The following ERBB2 variants were observed in gnomAD, a reference collection of about 807,000 sequenced individuals.
ERBB2 encodes the protein erb-b2 receptor tyrosine kinase 2, also known as receptor tyrosine-protein kinase erbB-2.
ERBB2 carries 61 observed loss-of-function variants against 149.0 expected under a neutral mutation model. The ratio of observed to expected loss-of-function variants is 0.41; its 90% confidence interval spans 0.33 to 0.51. The LOEUF (loss-of-function observed/expected upper bound fraction) is 0.51. ERBB2 is among the 20% of genes least tolerant of loss of function. ERBB2 has a pLI of 0.25. For synonymous variants in ERBB2, 633 were observed against 678.8 expected, an observed-to-expected ratio of 0.93 and a Z score of 1.05; for missense variants, 1,205 against 1,655.1, an observed-to-expected ratio of 0.73 and a Z score of 4.72.
At chr17:39,699,351 C>T (rs2057958335), upstream of ERBB2, among the ~76,000 whole-genome samples, 1 of 152,014 alleles carries the variant, frequency 6.6e-6, no homozygotes, top group Non-Finnish European at 1.5e-5. Context: ...ATCCCAGCTG[C>T]TCGGGAGGCT....
chr17:39,726,647 T>C lies in ERBB2; in HGVS notation c.2958T>C (p.Phe986=). 1 of 1,614,116 alleles carries C rather than the reference T, an allele frequency of 6.2e-7. No individual in the cohort carries two copies. Among genetic ancestry groups the C allele is most frequent in the Non-Finnish European group, 8.5e-7 (1 of 1,179,954 alleles). The change falls in exon 24 of 27, where the codon TTT becomes TTC. Residue 986 remains phenylalanine, a synonymous_variant. Transcript: ENST00000269571. The surrounding 1 kb of genome is among the most constrained non-coding windows in gnomAD (Gnocchi z 5.1). ...FSRMARDPQR[F]VVIQNEDLGP... is the part of the protein sequence containing the mutation. ...GCATGGCCAGGGACCCCCAGCGCTTTGTGGTCATCCAGGTACTGGGCCTCT... is the reference window on the plus strand; with the variant it reads ...GCATGGCCAGGGACCCCCAGCGCTTCGTGGTCATCCAGGTACTGGGCCTCT...
At position 39,728,301 on chromosome 17, in the gene ERBB2, C is replaced by T. The variant is rs139158322; in HGVS notation, c.*257C>T. Reference sequence around the variant, plus strand: ...GCCCTGCCCAATGAGACTCTAGGGTCCAGTGGATGCCACAGCCCAGCTTGG... The same window carrying T: ...GCCCTGCCCAATGAGACTCTAGGGTTCAGTGGATGCCACAGCCCAGCTTGG... On this transcript the variant is annotated 3_prime_UTR_variant, in exon 27 of 27. Coordinates refer to ENST00000269571, the MANE Select transcript of ERBB2 (RefSeq NM_004448.4). The T allele has an allele frequency of 1.3e-3, 529 of 411,264 alleles. 11 individuals are homozygous for T. The East Asian group carries it at 0.014, about 11-fold the overall frequency. 25.5% of individuals were successfully genotyped at this position (411,264 alleles called of 1,614,324 possible). A position where few individuals can be genotyped will look rare whatever the true frequency, so the allele number is the denominator to read the frequency against.
In ERBB2 at chr17:39,707,065, A is replaced by G; in HGVS notation, c.149A>G (p.Tyr50Cys). 1 of 1,606,356 alleles carries G rather than the reference A, an allele frequency of 6.2e-7. No homozygotes were observed. The highest frequency in any genetic ancestry group is 8.5e-7 in the Non-Finnish European group (1 of 1,176,528). ...CACCTGGACATGCTCCGCCACCTCT[A>G]CCAGGGCTGCCAGGTGGTGCAGGGA... The part of the protein sequence containing the change: ...ETHLDMLRHL[Y>C]QGCQVVQGNL... Residue 50 changes from tyrosine (Y) to cysteine (C), a missense_variant, in exon 2 of 27, where the codon TAC becomes TGC. Tyr to Cys is a radical substitution (Grantham distance 194). Around this residue, in one of 6 missense-constraint regions of ERBB2, gnomAD observed 101 missense variants for 95.1 expected, o/e 1.06. Transcript: ENST00000269571.
Position 39,728,434 on chromosome 17 carries a change from G to C in ERBB2, c.*390G>C, listed in dbSNP as rs1445638764. ...AACAAAAGCGACCCATTCAGAGACT[G>C]TCCCTGAAACCTAGTACTGCCCCCC... On this transcript the variant is annotated 3_prime_UTR_variant, in exon 27 of 27. Transcript: ENST00000269571. 3.8e-6 allele frequency: 1 copy of C among 262,360 alleles called. No homozygotes were observed. The highest frequency in any genetic ancestry group is 7.3e-6 in the Non-Finnish European group (1 of 137,880). 16.3% of individuals were successfully genotyped at this position (262,360 alleles called of 1,614,324 possible).
rs1324399672 is a variant in ERBB2, at chr17:39,725,643, C to T, written c.2726-64C>T. On this transcript the variant is annotated intron_variant, in intron 22 of 26. Coordinates refer to ENST00000269571, the MANE Select transcript of ERBB2 (RefSeq NM_004448.4). The surrounding 1 kb of genome is among the most constrained non-coding windows in gnomAD (Gnocchi z 4.6). Reference sequence around the variant, plus strand: ...CATGATGCTAGACTCCTGAGCAGAACCTCTGGCTCAGTACACTAAAGCTCC... The same window carrying T: ...CATGATGCTAGACTCCTGAGCAGAATCTCTGGCTCAGTACACTAAAGCTCC... The T allele has an allele frequency of 7.9e-6, 12 of 1,525,896 alleles. No individual in the cohort carries two copies. The highest frequency in any genetic ancestry group is 1.1e-5 in the Non-Finnish European group (12 of 1,125,552). 94.5% of individuals were successfully genotyped at this position (1,525,896 alleles called of 1,614,324 possible). A position where few individuals can be genotyped will look rare whatever the true frequency, so the allele number is the denominator to read the frequency against.
Position 39,723,744 on chromosome 17 carries a change from G to C in ERBB2, c.2208+84G>C. The C allele has an allele frequency of 1.3e-6, 2 of 1,544,734 alleles. No individual in the cohort carries two copies. Among genetic ancestry groups the C allele is most frequent in the Non-Finnish European group, 1.8e-6 (2 of 1,140,832 alleles). ...TGTGGTCGGCAGTTCTGATGGGAGG[G>C]GCAAGAGCTGGAGGCAGTGTTTGGG... On this transcript the variant is annotated intron_variant, in intron 18 of 26. Coordinates refer to ENST00000269571, the MANE Select transcript of ERBB2 (RefSeq NM_004448.4). This position sits in a 1 kb window ranked among gnomAD's most constrained non-coding sequence, Gnocchi z 6.2.
At chr17:39,691,438 G>A (rs374504246), upstream of ERBB2, among the ~76,000 whole-genome samples, 10 of 151,312 alleles carry the variant, frequency 6.6e-5, no homozygotes, top group East Asian at 7.7e-4. Context: ...CAGCTACTCC[G>A]GAAGCTGAGG....
chr17:39,691,556 A>AAT (rs1555611662), upstream of ERBB2, among the ~76,000 whole-genome samples: 1,588 of 84,124 alleles, frequency 0.019, 69 homozygotes, highest in Middle Eastern at 0.13. Flanking sequence ...TAAAAAAAAA[A>AAT]ATATATATAT....
At chr17:39,715,571 G>A (rs369210114) in intron 11 of ERBB2, 35 bp downstream of exon 11, 3 of 1,593,356 alleles carry the variant, frequency 1.9e-6, no homozygotes, top group African/African-American at 2.7e-5. Flanking sequence ...TGATGGGGAG[G>A]AGTCCCAGGG....
intron 3 of ERBB2, among the ~76,000 whole-genome samples, chr17:39,709,002 A>C (rs2058634480): frequency 6.6e-6 from 1 of 152,142 alleles, no homozygotes; most frequent in African/African-American, 2.4e-5. Context: ...GATGGGGCTG[A>C]GTTTCAGACT....
chr17:39,723,746 C>A lies in ERBB2; in HGVS notation c.2208+86C>A. Reference sequence around the variant, plus strand: ...TGGTCGGCAGTTCTGATGGGAGGGGCAAGAGCTGGAGGCAGTGTTTGGGGG... The same window carrying A: ...TGGTCGGCAGTTCTGATGGGAGGGGAAAGAGCTGGAGGCAGTGTTTGGGGG... On this transcript the variant is annotated intron_variant, in intron 18 of 26. Coordinates refer to ENST00000269571, the MANE Select transcript of ERBB2 (RefSeq NM_004448.4). The surrounding 1 kb of genome is among the most constrained non-coding windows in gnomAD (Gnocchi z 6.2). 2 of 1,542,030 alleles carry A rather than the reference C, an allele frequency of 1.3e-6. No individual in the cohort carries two copies. The highest frequency in any genetic ancestry group is 1.8e-6 in the Non-Finnish European group (2 of 1,138,770).
In ERBB2 at chr17:39,711,999, G is replaced by A. The variant is rs1202895125; in HGVS notation, c.973G>A (p.Glu325Lys). 1 of 1,614,174 alleles carries A rather than the reference G, an allele frequency of 6.2e-7. No homozygotes were observed. The highest frequency in any genetic ancestry group is 8.5e-7 in the Non-Finnish European group (1 of 1,180,024). Reference sequence around the variant, plus strand: ...CCTGCACAACCAAGAGGTGACAGCAGAGGATGGAACACAGCGGTGTGAGAA... The same window carrying A: ...CCTGCACAACCAAGAGGTGACAGCAAAGGATGGAACACAGCGGTGTGAGAA... ...CPLHNQEVTAEDGTQRCEKCS... is the reference protein window; with the variant it reads ...CPLHNQEVTAKDGTQRCEKCS... The change falls in exon 8 of 27, where the codon GAG becomes AAG. Residue 325 changes from glutamate (E) to lysine (K), a missense_variant. Glu to Lys is a moderately conservative substitution (Grantham distance 56, BLOSUM62 1). This residue lies in a region of ERBB2 where 569 missense variants were observed against 803.5 expected (regional missense o/e 0.71). Transcript: ENST00000269571.
chr17:39,726,622 G>A lies in ERBB2; in HGVS notation c.2933G>A (p.Arg978His), dbSNP rs778243900. 5.6e-6 allele frequency: 9 copies of A among 1,614,050 alleles called. No individual in the cohort carries two copies. Among genetic ancestry groups the A allele is most frequent in the Admixed American group, 1.7e-5 (1 of 60,008 alleles). ...RFRELVSEFS[R>H]MARDPQRFVV... ...CGGGAGTTGGTGTCTGAATTCTCCC[G>A]CATGGCCAGGGACCCCCAGCGCTTT... The change falls in exon 24 of 27, where the codon CGC becomes CAC. Residue 978 changes from arginine (R) to histidine (H), a missense_variant. Transcript: ENST00000269571. The surrounding 1 kb of genome is among the most constrained non-coding windows in gnomAD (Gnocchi z 5.1).
intron 14 of ERBB2, 63 bp from the exon 15 acceptor site, chr17:39,717,257 C>T (rs1373676485): frequency 1.4e-6 from 2 of 1,417,442 alleles, no homozygotes; most frequent in Middle Eastern, 2.6e-4. Flanking sequence ...AACTAAGGGC[C>T]TGATCCTACT....
intron 1 of ERBB2, among the ~76,000 whole-genome samples, chr17:39,704,608 G>A (rs1184366110): frequency 3.9e-5 from 6 of 152,126 alleles, no homozygotes; most frequent in Non-Finnish European, 7.3e-5. Context: ...CAGATATGGG[G>A]ACAATGGTAA....
chr17:39,691,405 A>T (rs2057691926), upstream of ERBB2, among the ~76,000 whole-genome samples: 1 of 151,764 alleles, frequency 6.6e-6, no homozygotes, highest in African/African-American at 2.4e-5. Context: ...TTAGCTGGGC[A>T]TGGTGGCACG....
intron 1 of ERBB2, among the ~76,000 whole-genome samples, chr17:39,704,975 A>G (rs1404797369): frequency 6.6e-6 from 1 of 151,876 alleles, no homozygotes; most frequent in East Asian, 1.9e-4. Flanking sequence ...AGTTAGGCCT[A>G]GTGGAAGGAA....
At position 39,707,051 on chromosome 17, in the gene ERBB2, G is replaced by A. The variant is rs1281942958; in HGVS notation, c.135G>A (p.Met45Ile). ...CCAGTCCCGAGACCCACCTGGACAT[G>A]CTCCGCCACCTCTACCAGGGCTGCC... The part of the protein sequence containing the change: ...LPASPETHLD[M>I]LRHLYQGCQV... Residue 45 changes from methionine to isoleucine, a missense_variant, in exon 2 of 27, where the codon ATG becomes ATA. Met to Ile is a conservative substitution (Grantham distance 10). Around this residue, in one of 6 missense-constraint regions of ERBB2, gnomAD observed 101 missense variants for 95.1 expected, o/e 1.06. Coordinates refer to ENST00000269571, the MANE Select transcript of ERBB2 (RefSeq NM_004448.4). 2.5e-6 allele frequency: 4 copies of A among 1,607,408 alleles called. No individual in the cohort carries two copies. The highest frequency in any genetic ancestry group is 4.5e-5 in the East Asian group (2 of 44,026).
chr17:39,704,514 A>C (rs1312531989), intron 1 of ERBB2, among the ~76,000 whole-genome samples: 1 of 152,190 alleles, frequency 6.6e-6, no homozygotes, highest in Non-Finnish European at 1.5e-5. Context: ...CAGAGGTTGC[A>C]GTGAGCCGAG....
Sources: gnomAD v4.1 joint callset for allele counts (sites outside exome capture counted in the v4.1 genomes callset) on GRCh38, gnomAD v4.1.1 for gene constraint, gnomAD v4.1.1 regional missense constraint, Gnocchi (gnomAD v3.1) non-coding constraint, MANE v1.5 for transcripts, NCBI Gene and HGNC (gene_info 2026-07-23, HGNC 2026-07-21) for gene names.